Variants in RAB7B observed in about 807,000 individuals in gnomAD.
RAB7B encodes ras-related protein Rab-7b.
chr1:205,985,234 C>T (rs1382889570), intron 5 of RAB7B, among the ~76,000 whole-genome samples: 2 of 152,200 alleles, frequency 1.3e-5, no homozygotes, highest in Non-Finnish European at 2.9e-5. Flanking sequence ...AACCCTTCCT[C>T]GTTAGGATCT....
intron 4 of RAB7B, among the ~76,000 whole-genome samples, chr1:205,986,205 C>A (rs1354905330): frequency 6.6e-6 from 1 of 152,236 alleles, no homozygotes; most frequent in East Asian, 1.9e-4. Context: ...TGGGCAGAGA[C>A]TCGGGTCTCA....
At chr1:205,988,327 C>T (rs1198388808) in intron 4 of RAB7B, among the ~76,000 whole-genome samples, 1 of 146,676 alleles carries the variant, frequency 6.8e-6, no homozygotes, top group African/African-American at 2.5e-5. Flanking sequence ...CTCCCGTGTT[C>T]AAGCGATCCT....
At chr1:205,998,870 A>G (rs1191804428) in intron 1 of RAB7B, among the ~76,000 whole-genome samples, 1 of 152,224 alleles carries the variant, frequency 6.6e-6, no homozygotes, top group Non-Finnish European at 1.5e-5. Context: ...GACTCAAGAA[A>G]TGCTAGCTAT....
At chr1:205,987,167 G>A (rs1571793713) in intron 4 of RAB7B, among the ~76,000 whole-genome samples, 4 of 152,012 alleles carry the variant, frequency 2.6e-5, no homozygotes, top group Admixed American at 6.6e-5. Context: ...AAGCTGGCCT[G>A]GGAAGAAAGC....
rs1013518838 is a variant in RAB7B, at chr1:205,991,892, G to T, written c.396+588C>A. ...TAATGGTAAACGCCTACACAAGTGG[G>T]GTCACTGTAGTCATGGAGCAGACCA... On this transcript the variant is annotated intron_variant, in intron 4 of 5. Transcript: ENST00000617070. Among the ~76,000 whole-genome samples the T allele has an allele frequency of 2.0e-3, 303 of 152,294 alleles. 4 individuals carry two copies. The highest frequency in any genetic ancestry group is 7.0e-3 in the African/African-American group (290 of 41,548).
intron 5 of RAB7B, among the ~76,000 whole-genome samples, chr1:205,981,224 A>G (rs1660485288): frequency 6.6e-6 from 1 of 152,116 alleles, no homozygotes; most frequent in African/African-American, 2.4e-5. Context: ...TTCTGGAGCA[A>G]AACCTCACCA....
chr1:205,988,251 T>C (rs1489306642), intron 4 of RAB7B, among the ~76,000 whole-genome samples: 129,163 of 131,936 alleles, frequency 0.98, 63,266 homozygotes, highest in South Asian at 0.99. Context: ...TTTTTTCTTT[T>C]AGTGTCTTGC....
intron 4 of RAB7B, among the ~76,000 whole-genome samples, chr1:205,989,248 T>C (rs1335910272): frequency 6.6e-6 from 1 of 152,046 alleles, no homozygotes; most frequent in African/African-American, 2.4e-5. Context: ...CCTTCCCCAC[T>C]GGGGCTATTT....
At chr1:205,989,549 T>A (rs982269299) in intron 4 of RAB7B, among the ~76,000 whole-genome samples, 3 of 152,172 alleles carry the variant, frequency 2.0e-5, no homozygotes, top group Non-Finnish European at 4.4e-5. Flanking sequence ...TCTCTCCATG[T>A]CAGCCTCTTC....
chr1:205,984,834 G>A (rs937662884), intron 5 of RAB7B, among the ~76,000 whole-genome samples: 298 of 152,024 alleles, frequency 2.0e-3, no homozygotes, highest in African/African-American at 6.9e-3. Flanking sequence ...TGGAAACCTG[G>A]CCATCAACCT....
intron 1 of RAB7B, among the ~76,000 whole-genome samples, chr1:205,998,994 G>T (rs1038736804): frequency 1.3e-5 from 2 of 152,240 alleles, no homozygotes; most frequent in South Asian, 2.1e-4. Context: ...CAGAAAGCCC[G>T]CACGTGTTAG....
intron 2 of RAB7B, 71 bp downstream of exon 2, chr1:205,994,012 A>G (rs1660768958): frequency 2.5e-6 from 1 of 398,340 alleles, no homozygotes; most frequent in African/African-American, 2.1e-5. Flanking sequence ...GGAGATGGGA[A>G]CACATCAGGA....
At chr1:205,981,304 A>G (rs895568834) in intron 5 of RAB7B, among the ~76,000 whole-genome samples, 5 of 152,220 alleles carry the variant, frequency 3.3e-5, no homozygotes, top group Admixed American at 6.5e-5. Flanking sequence ...ATATTTTGGA[A>G]CAACTAAATA....
intron 5 of RAB7B, among the ~76,000 whole-genome samples, chr1:205,983,284 C>T (rs905962745): frequency 2.0e-5 from 3 of 152,224 alleles, no homozygotes; most frequent in Non-Finnish European, 4.4e-5. Context: ...TGCCCTTCTT[C>T]CCCTCCGGCT....
intron 1 of RAB7B, among the ~76,000 whole-genome samples, chr1:205,994,770 G>C (rs1034183663): frequency 2.0e-5 from 3 of 152,096 alleles, no homozygotes; most frequent in Admixed American, 2.0e-4. Context: ...CCGAAATGTG[G>C]GTAAAGACTC....
intron 4 of RAB7B, among the ~76,000 whole-genome samples, chr1:205,986,580 C>T (rs1442453301): frequency 6.6e-6 from 1 of 152,208 alleles, no homozygotes; most frequent in Non-Finnish European, 1.5e-5. Context: ...ACACATGAGC[C>T]ACCAGGCACA....
chr1:205,983,435 A>C (rs1271040979), intron 5 of RAB7B, among the ~76,000 whole-genome samples: 1 of 150,540 alleles, frequency 6.6e-6, no homozygotes, highest in Non-Finnish European at 1.5e-5. Context: ...TCTTAATCAC[A>C]CCCCCCACAG....
intron 5 of RAB7B, among the ~76,000 whole-genome samples, chr1:205,979,736 A>G (rs1481076671): frequency 6.6e-6 from 1 of 152,110 alleles, no homozygotes; most frequent in Admixed American, 6.5e-5. Flanking sequence ...CCTCGGGGTG[A>G]GTGATGAGCA....
At position 205,978,123 on chromosome 1, in the gene RAB7B, G is replaced by A. The variant is rs1660418380; in HGVS notation, c.*728C>T. On this transcript the variant is annotated 3_prime_UTR_variant, in exon 6 of 6. Coordinates refer to ENST00000617070, the MANE Select transcript of RAB7B (RefSeq NM_001164522.3). Reference sequence around the variant, plus strand: ...CTACTGGATTTAAGCACAGCTTCTGGTCCTCAAAACCACACTGTGATACAG... The same window carrying A: ...CTACTGGATTTAAGCACAGCTTCTGATCCTCAAAACCACACTGTGATACAG... 1 of 152,080 alleles carries A rather than the reference G, an allele frequency of 6.6e-6. No individual in the cohort carries two copies. Among genetic ancestry groups the A allele is most frequent in the Non-Finnish European group, 1.5e-5 (1 of 68,046 alleles). 9.4% of individuals were successfully genotyped at this position (152,080 alleles called of 1,614,324 possible).
Sources: gnomAD v4.1 joint callset for allele counts (sites outside exome capture counted in the v4.1 genomes callset) on GRCh38, gnomAD v4.1.1 for gene constraint, MANE v1.5 for transcripts, NCBI Gene and HGNC (gene_info 2026-07-23, HGNC 2026-07-21) for gene names.